TSPO: variants seen among roughly 807,000 people sequenced by gnomAD.
TSPO encodes the protein translocator protein, also known as benzodiazepine peripheral binding site.
TSPO carries 14 observed loss-of-function variants against 13.9 expected under a neutral mutation model. That is an observed-to-expected ratio of 1.01 (90% CI 0.67 to 1.58). The LOEUF is 1.58. Ranked by LOEUF, TSPO falls within the 40% of genes most tolerant of loss-of-function variation. The pLI is 0.00. For synonymous variants in TSPO, 114 were observed against 105.9 expected (o/e 1.08, Z -0.47); for missense variants, 232 against 229.6 (o/e 1.01, Z -0.07).
chr22:43,157,378 C>G (rs9333325), intron 1 of TSPO, among the ~76,000 whole-genome samples: 4 of 151,190 alleles, frequency 2.6e-5, no homozygotes, highest in Admixed American at 6.6e-5. Flanking sequence ...CACATGCCCA[C>G]CCCCCCAGAA....
At position 43,162,856 on chromosome 22, in the gene TSPO, C is replaced by G. The variant is rs747530187; in HGVS notation, c.375C>G (p.Ala125=). ...GGGCGGCGGCAGCCACTACCGTGGCCTGGTACCAGGTGAGCCCGCTGGCCG... is the reference window on the plus strand; with the variant it reads ...GGGCGGCGGCAGCCACTACCGTGGCGTGGTACCAGGTGAGCCCGCTGGCCG... ...VSGAAAATTV[A]WYQVSPLAAR... Residue 125 remains alanine (A), a synonymous_variant, in exon 4 of 4, where the codon GCC becomes GCG. Coordinates refer to ENST00000337554, the MANE Select transcript of TSPO (RefSeq NM_000714.6). The G allele has an allele frequency of 1.1e-5, 17 of 1,584,942 alleles. No individual in the cohort carries two copies. Among genetic ancestry groups the G allele is most frequent in the Non-Finnish European group, 6.9e-6 (8 of 1,166,724 alleles).
chr22:43,155,780 CAAAT>C (rs1172547519), intron 1 of TSPO, among the ~76,000 whole-genome samples: 1 of 152,186 alleles, frequency 6.6e-6, no homozygotes, highest in African/African-American at 2.4e-5. Context: ...CTGAAGGAGA[CAAAT>C]AAAGGGTGTA....
In TSPO at chr22:43,162,802, G is replaced by C; in HGVS notation, c.322-1G>C. 1.3e-6 allele frequency: 2 copies of C among 1,577,864 alleles called. No individual in the cohort carries two copies. The highest frequency in any genetic ancestry group is 2.7e-5 in the African/African-American group (2 of 74,502). ...CATCCTCCGTCCCCCAATCTCTGCAGGCCTTGGTGGATCTCCTGCTGGTCA... is the reference window on the plus strand; with the variant it reads ...CATCCTCCGTCCCCCAATCTCTGCACGCCTTGGTGGATCTCCTGCTGGTCA... On this transcript the variant is annotated splice_acceptor_variant, in intron 3 of 3. Transcript: ENST00000337554. LOFTEE classifies it high-confidence loss of function.
chr22:43,154,648 G>A (rs944851354), intron 1 of TSPO, among the ~76,000 whole-genome samples: 9 of 152,032 alleles, frequency 5.9e-5, no homozygotes, highest in Non-Finnish European at 1.0e-4. Context: ...GTGAGCCACC[G>A]TTCCTGGCCT....
In TSPO at chr22:43,163,094, AG is replaced by A; in HGVS notation, c.*106del. 6.5e-7 allele frequency: 1 copy of A among 1,527,190 alleles called. No homozygotes were observed. Among genetic ancestry groups the A allele is most frequent in the Non-Finnish European group, 8.8e-7 (1 of 1,136,530 alleles). 94.6% of individuals were successfully genotyped at this position (1,527,190 alleles called of 1,614,324 possible). A position where few individuals can be genotyped will look rare whatever the true frequency, so the allele number is the denominator to read the frequency against. Reference sequence around the variant, plus strand: ...TGACCACTGGGCCTGCTAGTCTGTCAGGGCCTTGGCCCAGGGGTCAGCAGAG... The same window carrying A: ...TGACCACTGGGCCTGCTAGTCTGTCAGGCCTTGGCCCAGGGGTCAGCAGAG... On this transcript the variant is annotated 3_prime_UTR_variant, in exon 4 of 4. Transcript: ENST00000337554.
rs759332329 is a variant in TSPO, at chr22:43,159,195, T to C, written c.-29-15T>C. On this transcript the variant is annotated splice_polypyrimidine_tract_variant and intron_variant, in intron 1 of 3. Transcript: ENST00000337554. ...CCTCAGGAATGCCCTCACCCAGCCC[T>C]GTCTTCTCTTTCAGAGCTCCCCTGA... The C allele has an allele frequency of 7.4e-6, 11 of 1,482,070 alleles. No homozygotes were observed. In the African/African-American group the frequency reaches 1.5e-4, roughly 21 times the overall value. 91.8% of individuals were successfully genotyped at this position (1,482,070 alleles called of 1,614,324 possible).
intron 1 of TSPO, among the ~76,000 whole-genome samples, chr22:43,156,665 G>C (rs1035303286): frequency 6.6e-6 from 1 of 152,224 alleles, no homozygotes; most frequent in African/African-American, 2.4e-5. Flanking sequence ...CTGCTGAATG[G>C]TGCACTTTAA....
In TSPO at chr22:43,163,153, G is replaced by A. The variant is rs1931511808; in HGVS notation, c.*162G>A. ...GGTGGCCCCACCTGAGCCCCCACCC[G>A]GGAGCAGTGTCCTGTGCTTTCTGCA... On this transcript the variant is annotated 3_prime_UTR_variant, in exon 4 of 4. Transcript: ENST00000337554. The A allele has an allele frequency of 1.3e-5, 19 of 1,461,556 alleles. No individual in the cohort carries two copies. The highest frequency in any genetic ancestry group is 2.8e-5 in the South Asian group (2 of 70,848). The allele number at this position is 1,461,556 out of a possible 1,614,324, so 90.5% of individuals were successfully genotyped here. A position where few individuals can be genotyped will look rare whatever the true frequency, so the allele number is the denominator to read the frequency against.
At chr22:43,153,870 G>A (rs1218689727) in intron 1 of TSPO, among the ~76,000 whole-genome samples, 1 of 150,898 alleles carries the variant, frequency 6.6e-6, no homozygotes, top group African/African-American at 2.4e-5. Flanking sequence ...TGCAACCTCC[G>A]CCTCCAGAGT....
rs774887772 is a variant in TSPO at position 43,163,056 on chromosome 22, C to A, written c.*65C>A. The A allele has an allele frequency of 1.3e-6, 2 of 1,560,150 alleles. No individual in the cohort carries two copies. The highest frequency in any genetic ancestry group is 1.2e-5 in the South Asian group (1 of 84,448). The stretch of plus-strand genomic sequence containing the variant: ...GCCATCACGCTTGTGATGTGGTGGC[C>A]GTCACGCTTTCATGACCACTGGGCC... On this transcript the variant is annotated 3_prime_UTR_variant, in exon 4 of 4. Coordinates refer to ENST00000337554, the MANE Select transcript of TSPO (RefSeq NM_000714.6).
chr22:43,162,443 C>T (rs1931472198), intron 3 of TSPO, among the ~76,000 whole-genome samples: 2 of 152,094 alleles, frequency 1.3e-5, no homozygotes, highest in Admixed American at 6.6e-5. Flanking sequence ...TTTGTTTGGG[C>T]CTTGTAGTAA....
chr22:43,162,371 C>T (rs921586044), intron 3 of TSPO, among the ~76,000 whole-genome samples: 2 of 152,228 alleles, frequency 1.3e-5, no homozygotes, highest in Non-Finnish European at 2.9e-5. Flanking sequence ...ATCCACCCGT[C>T]TCAGCCTCCC....
intron 2 of TSPO, 74 bp from the exon 3 acceptor site, chr22:43,160,978 C>T (rs1013289263): frequency 6.8e-5 from 105 of 1,536,234 alleles, no homozygotes; most frequent in Non-Finnish European, 5.7e-5. Context: ...TGAACCATCA[C>T]TGTGCCACTC....
intron 2 of TSPO, among the ~76,000 whole-genome samples, chr22:43,160,587 C>G (rs907099022): frequency 6.6e-6 from 1 of 152,150 alleles, no homozygotes; most frequent in Non-Finnish European, 1.5e-5. Context: ...CATGATCAGG[C>G]CTCCCCCTGG....
chr22:43,161,212 GTCCCTGA>G (rs770007222), intron 3 of TSPO, 22 bp downstream of exon 3: 5 of 1,600,668 alleles, frequency 3.1e-6, no homozygotes, highest in Non-Finnish European at 3.4e-6. Context: ...CACAGCATGT[GTCCCTGA>G]TCCCTGGATC....
chr22:43,153,099 T>TCCC lies in TSPO; in HGVS notation c.-30+1496_-30+1497insCCC, dbSNP rs1170926340. The stretch of plus-strand genomic sequence containing the variant: ...TTCTTTCTTTCTTTCCTTCCTTCCT[T>TCCC]CTTTCCTTTCTCTTTCTCTTTTTTT... On this transcript the variant is annotated intron_variant, in intron 1 of 3. Transcript: ENST00000337554. 2.7e-4 allele frequency among the ~76,000 whole-genome samples: 16 copies of TCCC among 59,006 alleles called. 1 individual carries two copies. Among genetic ancestry groups the TCCC allele is most frequent in the African/African-American group, 4.5e-4 (4 of 8,818 alleles). The allele number at this position is 59,006 out of a possible 152,430, so 38.7% of individuals were successfully genotyped here. A position where few individuals can be genotyped will look rare whatever the true frequency, so the allele number is the denominator to read the frequency against.
intron 3 of TSPO, among the ~76,000 whole-genome samples, chr22:43,161,798 G>A (rs1020660416): frequency 4.6e-5 from 7 of 152,016 alleles, no homozygotes; most frequent in South Asian, 2.1e-4. Flanking sequence ...CACCGCGCCC[G>A]GCTGACTGCT....
At chr22:43,161,260 T>C (rs1252726238) in intron 3 of TSPO, 70 bp downstream of exon 3, 10 of 1,557,166 alleles carry the variant, frequency 6.4e-6, no homozygotes, top group South Asian at 1.2e-5. Flanking sequence ...GCATCACATA[T>C]GACACTGGGT....
Position 43,153,104 on chromosome 22 carries a change from C to CT in TSPO, c.-30+1500_-30+1501insT, listed in dbSNP as rs1430665274. 7.2e-4 allele frequency among the ~76,000 whole-genome samples: 49 copies of CT among 68,530 alleles called. 6 individuals are homozygous for CT. Among genetic ancestry groups the CT allele is most frequent in the Middle Eastern group, 0.014 (2 of 148 alleles). 45.0% of individuals were successfully genotyped at this position (68,530 alleles called of 152,430 possible). ...TCTTTCTTTCCTTCCTTCCTTCTTT[C>CT]CTTTCTCTTTCTCTTTTTTTCTTTC... On this transcript the variant is annotated intron_variant, in intron 1 of 3. Transcript: ENST00000337554.
Sources: allele counts gnomAD v4.1 joint callset (sites outside exome capture counted in the v4.1 genomes callset), GRCh38; gene constraint gnomAD v4.1.1; transcripts MANE v1.5; gene names NCBI Gene and HGNC (gene_info 2026-07-23, HGNC 2026-07-21).